ARHGAP15: variants seen among roughly 807,000 people sequenced by gnomAD.
ARHGAP15 encodes the protein Rho GTPase activating protein 15.
In ARHGAP15, 51 loss-of-function variants were observed where a neutral mutation model predicts 63.7. That is an observed-to-expected ratio of 0.80 (90% CI 0.64 to 1.01). The LOEUF is 1.01. Among genes scored for constraint, ARHGAP15 ranks in the 50% least tolerant of loss-of-function variants. ARHGAP15 has a pLI of 0.00. For synonymous variants in ARHGAP15, 191 were observed against 193.8 expected (o/e 0.99, Z 0.12); for missense variants, 560 against 564.6 (o/e 0.99, Z 0.08).
chr2:143,187,354 T>A (rs1691491849), intron 2 of ARHGAP15, among the ~76,000 whole-genome samples: 2 of 152,194 alleles, frequency 1.3e-5, no homozygotes, highest in South Asian at 4.1e-4. Context: ...AGAAAGTGCA[T>A]TAGGGAGTGA....
At chr2:143,342,934 C>T (rs921637526) in intron 6 of ARHGAP15, among the ~76,000 whole-genome samples, 5 of 152,014 alleles carry the variant, frequency 3.3e-5, no homozygotes, top group African/African-American at 4.8e-5. Context: ...CACTACCTAA[C>T]CGCATATATG....
At chr2:143,404,099 C>T (rs1045629931) in intron 6 of ARHGAP15, among the ~76,000 whole-genome samples, 2 of 151,882 alleles carry the variant, frequency 1.3e-5, no homozygotes, top group African/African-American at 4.8e-5. Context: ...ATTAAATATT[C>T]AGTTGTTAAA....
chr2:143,686,795 G>A (rs910143065), intron 12 of ARHGAP15, among the ~76,000 whole-genome samples: 8 of 152,134 alleles, frequency 5.3e-5, no homozygotes, highest in Non-Finnish European at 4.4e-5. Context: ...ACGTCCTACT[G>A]TTTCAAATTA....
intron 12 of ARHGAP15, among the ~76,000 whole-genome samples, chr2:143,671,164 A>G (rs995375682): frequency 6.6e-6 from 1 of 152,252 alleles, no homozygotes; most frequent in Non-Finnish European, 1.5e-5. Context: ...TGCAATGAAG[A>G]CACAGCTTTC....
At chr2:143,727,524 G>T (rs1288692202) in intron 13 of ARHGAP15, among the ~76,000 whole-genome samples, 1 of 152,130 alleles carries the variant, frequency 6.6e-6, no homozygotes, top group Non-Finnish European at 1.5e-5. Context: ...AATGAGATTT[G>T]AATATATTAA....
At chr2:143,397,731 G>A (rs1001253694) in intron 6 of ARHGAP15, among the ~76,000 whole-genome samples, 1 of 152,076 alleles carries the variant, frequency 6.6e-6, no homozygotes, top group Non-Finnish European at 1.5e-5. Flanking sequence ...ACCTGATAAG[G>A]TGCTGGATGT....
intron 6 of ARHGAP15, among the ~76,000 whole-genome samples, chr2:143,287,964 T>C (rs778987559): frequency 3.2e-4 from 49 of 152,320 alleles, no homozygotes; most frequent in Non-Finnish European, 1.2e-4. Flanking sequence ...TTCCAAACTT[T>C]AAGAGGTTGT....
intron 4 of ARHGAP15, among the ~76,000 whole-genome samples, chr2:143,225,653 T>A (rs1693182739): frequency 6.6e-6 from 1 of 152,072 alleles, no homozygotes; most frequent in African/African-American, 2.4e-5. Flanking sequence ...CCAGACAGCA[T>A]AAAGTAACGA....
intron 13 of ARHGAP15, among the ~76,000 whole-genome samples, chr2:143,740,131 A>C (rs973581216): frequency 3.9e-5 from 6 of 152,188 alleles, no homozygotes; most frequent in Non-Finnish European, 8.8e-5. Context: ...AGAAAAAAAA[A>C]ATGATTTTCT....
intron 10 of ARHGAP15, among the ~76,000 whole-genome samples, chr2:143,536,971 C>T (rs1694799295): frequency 6.6e-6 from 1 of 152,112 alleles, no homozygotes; most frequent in Middle Eastern, 3.2e-3. Flanking sequence ...AATGGTTGAA[C>T]TAGTTTACAG....
At chr2:143,239,922 TG>T in intron 5 of ARHGAP15, among the ~76,000 whole-genome samples, 2 of 129,186 alleles carry the variant, frequency 1.5e-5, no homozygotes, top group African/African-American at 6.0e-5. Flanking sequence ...ACCCAGGAGG[TG>T]GTGGTTGCAG....
At chr2:143,372,368 AAAAG>A (rs1208636257) in intron 6 of ARHGAP15, among the ~76,000 whole-genome samples, 1 of 150,996 alleles carries the variant, frequency 6.6e-6, no homozygotes. Context: ...AAAAAAAAAA[AAAAG>A]GACCCAGAGA....
At chr2:143,540,757 G>C (rs1479433216) in intron 10 of ARHGAP15, among the ~76,000 whole-genome samples, 1 of 152,200 alleles carries the variant, frequency 6.6e-6, no homozygotes, top group Non-Finnish European at 1.5e-5. Context: ...CTGTTAGTCT[G>C]ATGGGCTTCC....
chr2:143,538,424 G>A (rs1017016456), intron 10 of ARHGAP15, among the ~76,000 whole-genome samples: 2 of 152,142 alleles, frequency 1.3e-5, no homozygotes, highest in Non-Finnish European at 2.9e-5. Flanking sequence ...ATGTTGAATA[G>A]GAGTGGTGAG....
intron 12 of ARHGAP15, among the ~76,000 whole-genome samples, chr2:143,650,163 T>C (rs1237438850): frequency 2.0e-5 from 3 of 151,864 alleles, no homozygotes; most frequent in Non-Finnish European, 4.4e-5. Flanking sequence ...GGCTGAGAGA[T>C]AGATGCTGGG....
intron 12 of ARHGAP15, among the ~76,000 whole-genome samples, chr2:143,675,914 G>T (rs1682803027): frequency 6.6e-6 from 1 of 152,218 alleles, no homozygotes; most frequent in African/African-American, 2.4e-5. Context: ...GTCTAGCTAT[G>T]AGAGTTCTCA....
At chr2:143,384,205 G>A (rs772265020) in intron 6 of ARHGAP15, among the ~76,000 whole-genome samples, 1 of 149,958 alleles carries the variant, frequency 6.7e-6, no homozygotes, top group Non-Finnish European at 1.5e-5. Context: ...TTTTCTTTTC[G>A]TTGATTTTTC....
At chr2:143,763,712 G>GTA (rs1559166014) in intron 13 of ARHGAP15, among the ~76,000 whole-genome samples, 2 of 141,588 alleles carry the variant, frequency 1.4e-5, no homozygotes, top group East Asian at 2.0e-4. Context: ...ATGTATATGT[G>GTA]TATGTATATG....
chr2:143,343,205 G>A (rs1685135574), intron 6 of ARHGAP15, among the ~76,000 whole-genome samples: 1 of 152,044 alleles, frequency 6.6e-6, no homozygotes, highest in Admixed American at 6.6e-5. Context: ...TTTAATCTGA[G>A]TTTTCATGGA....
Sources: gnomAD v4.1 joint callset for allele counts (sites outside exome capture counted in the v4.1 genomes callset) on GRCh38, gnomAD v4.1.1 for gene constraint, MANE v1.5 for transcripts, NCBI Gene and HGNC (gene_info 2026-07-23, HGNC 2026-07-21) for gene names.